The following KIAA1549 variants were observed in gnomAD, a reference collection of about 807,000 sequenced individuals.
KIAA1549 encodes KIAA1549, also known as UPF0606 protein KIAA1549.
KIAA1549 carries 70 observed loss-of-function variants against 156.4 expected under a neutral mutation model. That is an observed-to-expected ratio of 0.45 (90% CI 0.37 to 0.55). The LOEUF (loss-of-function observed/expected upper bound fraction) is 0.55, where lower values mean the gene tolerates loss of function less well. KIAA1549 is among the 20% of genes least tolerant of loss of function. The pLI, the probability that KIAA1549 is intolerant of heterozygous loss-of-function variation, is 0.00. For synonymous variants in KIAA1549, 1,103 were observed against 1,066.4 expected (o/e 1.03, Z -0.67); for missense variants, 2,428 against 2,540.9 (o/e 0.96, Z 0.96).
At chr7:138,869,959 C>T (rs1256031004) in intron 13 of KIAA1549, among the ~76,000 whole-genome samples, 198 bp from the exon 14 acceptor site, 1 of 152,160 alleles carries the variant, frequency 6.6e-6, no homozygotes, top group East Asian at 1.9e-4. Context: ...AAGTGATTCT[C>T]CTGTCTCAGC....
intron 1 of KIAA1549, among the ~76,000 whole-genome samples, chr7:138,937,280 T>G (rs1437688533): frequency 6.6e-6 from 1 of 152,160 alleles, no homozygotes; most frequent in Admixed American, 6.5e-5. Context: ...TAGGTTGCAT[T>G]CTTGATTTAC....
intron 2 of KIAA1549, among the ~76,000 whole-genome samples, chr7:138,914,201 C>G (rs1812251203): frequency 6.6e-6 from 1 of 151,544 alleles, no homozygotes; most frequent in Admixed American, 6.6e-5. Context: ...TCTGCAAAGT[C>G]CCCACAGCCA....
chr7:138,878,852 A>C (rs1474081959), intron 12 of KIAA1549, among the ~76,000 whole-genome samples: 1 of 152,100 alleles, frequency 6.6e-6, no homozygotes, highest in African/African-American at 2.4e-5. Flanking sequence ...AACCTCCAGC[A>C]AATACAACAG....
Position 138,917,628 on chromosome 7 carries a change from C to T in KIAA1549, c.1998G>A (p.Leu666=). The T allele has an allele frequency of 6.2e-7, 1 of 1,613,716 alleles. No homozygotes were observed. Among genetic ancestry groups the T allele is most frequent in the East Asian group, 2.2e-5 (1 of 44,856 alleles). The change falls in exon 2 of 20, where the codon TTG becomes TTA. Residue 666 remains leucine (L), a synonymous_variant. Transcript: ENST00000422774. The stretch of plus-strand genomic sequence containing the variant: ...AGTCAAACAATGTAAATGTCTCAAC[C>T]AAGGGAGAAAAAGACTGAGATGTGA... The part of the protein sequence containing the change: ...SPFTSQSFSP[L]VETFTLFDSS...
chr7:138,844,438 C>T lies in KIAA1549; in HGVS notation c.5331G>A (p.Glu1777=), dbSNP rs1427281906. The T allele has an allele frequency of 1.9e-6, 3 of 1,556,506 alleles. No individual in the cohort carries two copies. The highest frequency in any genetic ancestry group is 8.7e-7 in the Non-Finnish European group (1 of 1,155,016). ...GCTGCTGAGGGTCAGGGGGCACCAG[C>T]TCTGTAGACTGCAGCAAACCGGGGC... ...GFGPGLLQST[E]LVPPDPQQPQ... Residue 1777 remains glutamate (E), a synonymous_variant, in exon 18 of 20, where the codon GAG becomes GAA. Transcript: ENST00000422774.
intron 1 of KIAA1549, among the ~76,000 whole-genome samples, chr7:138,976,902 A>C (rs1814396781): frequency 6.6e-6 from 1 of 152,224 alleles, no homozygotes; most frequent in African/African-American, 2.4e-5. Flanking sequence ...TAGACATCTA[A>C]ATTCTTAACA....
At chr7:138,884,316 A>G (rs1246978716) in intron 10 of KIAA1549, among the ~76,000 whole-genome samples, 1 of 151,736 alleles carries the variant, frequency 6.6e-6, no homozygotes, top group Non-Finnish European at 1.5e-5. Context: ...GTAAACTAAG[A>G]ACAAAATCCT....
rs1240130444 is a variant in KIAA1549, at chr7:138,836,087, A to G, written c.*1819T>C. On this transcript the variant is annotated 3_prime_UTR_variant, in exon 20 of 20. Coordinates refer to ENST00000422774, the MANE Select transcript of KIAA1549 (RefSeq NM_001164665.2). The stretch of plus-strand genomic sequence containing the variant: ...TGTTTTAGCTGTTTCAGGGGTCTTA[A>G]AACTTGACACAGATACACAGGTTTT... The G allele has an allele frequency of 4.7e-6, 1 of 213,514 alleles. No individual in the cohort carries two copies. The highest frequency in any genetic ancestry group is 2.3e-5 in the African/African-American group (1 of 44,256). 13.2% of individuals were successfully genotyped at this position (213,514 alleles called of 1,614,324 possible). A position where few individuals can be genotyped will look rare whatever the true frequency, so the allele number is the denominator to read the frequency against.
At chr7:138,891,445 T>G (rs1032142398) in intron 10 of KIAA1549, among the ~76,000 whole-genome samples, 1 of 152,162 alleles carries the variant, frequency 6.6e-6, no homozygotes, top group African/African-American at 2.4e-5. Context: ...TAGGCAACAG[T>G]AACAAATGAT....
intron 8 of KIAA1549, among the ~76,000 whole-genome samples, chr7:138,900,187 T>C (rs1811802123): frequency 4.6e-5 from 7 of 152,216 alleles, no homozygotes; most frequent in Admixed American, 4.6e-4. Flanking sequence ...GGGAAACTTC[T>C]GGCAGATCAG....
rs186141119 is a variant in KIAA1549, at chr7:138,951,821, A to G, written c.187+29262T>C. On this transcript the variant is annotated intron_variant, in intron 1 of 19. Transcript: ENST00000422774. ...TAATACATATGTCTAAGCAACATCC[A>G]GGAATTTAAAAGCACTTCATAAATG... Among the ~76,000 whole-genome samples, 4 of 152,378 alleles carry G rather than the reference A, an allele frequency of 2.6e-5. No individual in the cohort carries two copies. In the East Asian group the frequency reaches 7.7e-4, roughly 29 times the overall value.
chr7:138,862,734 C>T (rs1810623470), intron 15 of KIAA1549, among the ~76,000 whole-genome samples: 1 of 152,064 alleles, frequency 6.6e-6, no homozygotes, highest in Non-Finnish European at 1.5e-5. Flanking sequence ...AGTTCGAGAC[C>T]AGCGTGGCCA....
In KIAA1549 at chr7:138,837,644, G is replaced by GT; in HGVS notation, c.*261dup. 3 of 558,732 alleles carry GT rather than the reference G, an allele frequency of 5.4e-6. No homozygotes were observed. Among genetic ancestry groups the GT allele is most frequent in the Non-Finnish European group, 9.4e-6 (3 of 318,750 alleles). The allele number at this position is 558,732 out of a possible 1,614,324, so 34.6% of individuals were successfully genotyped here. ...TTTTGTTAGCTTAGGTTTGTGTTTTGTTTTTGTGAAGTGCTGCTGGCTTTT... is the reference window on the plus strand; with the variant it reads ...TTTTGTTAGCTTAGGTTTGTGTTTTGTTTTTTGTGAAGTGCTGCTGGCTTTT... On this transcript the variant is annotated 3_prime_UTR_variant, in exon 20 of 20. Transcript: ENST00000422774.
chr7:138,840,406 G>A lies in KIAA1549; in HGVS notation c.5453-128C>T, dbSNP rs547771641. On this transcript the variant is annotated intron_variant, in intron 18 of 19. Transcript: ENST00000422774. Reference sequence around the variant, plus strand: ...CCTTAATGACAAGGGATCAGGACTTGGTACCAGTTCTATCTCCAGAAATCT... The same window carrying A: ...CCTTAATGACAAGGGATCAGGACTTAGTACCAGTTCTATCTCCAGAAATCT... 9 of 775,324 alleles carry A rather than the reference G, an allele frequency of 1.2e-5. No individual in the cohort carries two copies. The South Asian group carries it at 1.9e-4, about 16-fold the overall frequency. 48.0% of individuals were successfully genotyped at this position (775,324 alleles called of 1,614,324 possible).
chr7:138,888,500 A>G (rs2130423116), intron 10 of KIAA1549, among the ~76,000 whole-genome samples: 1 of 152,312 alleles, frequency 6.6e-6, no homozygotes, highest in Middle Eastern at 3.4e-3. Flanking sequence ...CTGGATTTAG[A>G]TCAACTACAC....
intron 10 of KIAA1549, 110 bp downstream of exon 10, chr7:138,894,232 A>G: frequency 1.9e-6 from 2 of 1,077,340 alleles, no homozygotes; most frequent in South Asian, 1.5e-5. Context: ...GAAGATTTCC[A>G]TAATAGCCCT....
chr7:138,868,723 A>C (rs1441588780), intron 14 of KIAA1549, among the ~76,000 whole-genome samples: 1 of 152,132 alleles, frequency 6.6e-6, no homozygotes, highest in Non-Finnish European at 1.5e-5. Context: ...GTGAGCCACC[A>C]CGCCTGGCCC....
chr7:138,876,914 C>G lies in KIAA1549; in HGVS notation c.4345+2624G>C, dbSNP rs762775617. Among the ~76,000 whole-genome samples the G allele has an allele frequency of 2.6e-5, 4 of 152,226 alleles. No individual in the cohort carries two copies. The East Asian group carries it at 7.7e-4, about 29-fold the overall frequency. On this transcript the variant is annotated intron_variant, in intron 12 of 19. Coordinates refer to ENST00000422774, the MANE Select transcript of KIAA1549 (RefSeq NM_001164665.2). ...ACAGTCAGCTGGAAAAGGAATAAAG[C>G]ACAACCTCCAATTTACCAAAACTGA...
rs1292283693 is a variant in KIAA1549 at position 138,852,255 on chromosome 7, A to G, written c.5262T>C (p.Tyr1754=). The stretch of plus-strand genomic sequence containing the variant: ...ATGGACCCGTCGGGGGAGTCATTCC[A>G]TAGTCTTCGTATCTCTGGAAGACAT... The part of the protein sequence containing the change: ...ANNPCSRYED[Y]GMTPPTGPLP... The change falls in exon 17 of 20, where the codon TAT becomes TAC. Residue 1754 remains tyrosine (Y), a synonymous_variant. Transcript: ENST00000422774. 3.1e-6 allele frequency: 5 copies of G among 1,609,862 alleles called. No homozygotes were observed. In the East Asian group the frequency reaches 6.7e-5, roughly 22 times the overall value.
Sources: allele counts gnomAD v4.1 joint callset (sites outside exome capture counted in the v4.1 genomes callset), GRCh38; gene constraint gnomAD v4.1.1; transcripts MANE v1.5; gene names NCBI Gene and HGNC (gene_info 2026-07-23, HGNC 2026-07-21).